The following KSR2 variants were observed in gnomAD, a reference collection of about 807,000 sequenced individuals.
KSR2 encodes the protein kinase suppressor of ras 2.
A neutral mutation model predicts 107.8 loss-of-function variants in KSR2; 25 were observed. The observed-to-expected ratio is 0.23, with a 90% CI of 0.17 to 0.32. KSR2 has a LOEUF of 0.32. KSR2 is among the 10% of genes least tolerant of loss of function. The pLI is 1.00. For missense variants in KSR2, 887 were observed against 1,268.9 expected (o/e 0.70, Z 4.57); for synonymous variants, 480 against 507.0 (o/e 0.95, Z 0.71).
At chr12:117,835,440 G>A (rs1155760) in intron 3 of KSR2, among the ~76,000 whole-genome samples, 126,971 of 152,128 alleles carry the variant, frequency 0.83, 53,640 homozygotes, top group African/African-American at 0.96. Context: ...CCCCAACTCA[G>A]TTATGGTTTT....
chr12:117,557,077 A>G (rs1013293583), intron 8 of KSR2, among the ~76,000 whole-genome samples: 2 of 152,136 alleles, frequency 1.3e-5, no homozygotes, highest in Non-Finnish European at 2.9e-5. Flanking sequence ...AGGCAGGAGA[A>G]TCGCTTGAAC....
In KSR2 at chr12:117,504,961, C is replaced by T. The variant is rs1347771278; in HGVS notation, c.2220-19270G>A. Reference sequence around the variant, plus strand: ...AAAGCCTATTATATCACTCTGTATGCCTTTGCGTATTCATAGCTTAGCTCC... The same window carrying T: ...AAAGCCTATTATATCACTCTGTATGTCTTTGCGTATTCATAGCTTAGCTCC... On this transcript the variant is annotated intron_variant, in intron 14 of 19. Coordinates refer to ENST00000339824, the MANE Select transcript of KSR2 (RefSeq NM_173598.6). Among the ~76,000 whole-genome samples, 3 of 152,100 alleles carry T rather than the reference C, an allele frequency of 2.0e-5. 1 individual carries two copies. The highest frequency in any genetic ancestry group is 4.4e-5 in the Non-Finnish European group (3 of 68,024).
intron 16 of KSR2, among the ~76,000 whole-genome samples, chr12:117,483,901 C>A (rs1466206731): frequency 6.6e-6 from 1 of 152,202 alleles, no homozygotes; most frequent in Non-Finnish European, 1.5e-5. Context: ...AACAAACCTA[C>A]CACTTTTCTT....
At chr12:117,933,921 C>A (rs61945392) in intron 1 of KSR2, among the ~76,000 whole-genome samples, 1 of 152,232 alleles carries the variant, frequency 6.6e-6, no homozygotes, top group Non-Finnish European at 1.5e-5. Context: ...CATGGCGCCT[C>A]TTAAATGGGA....
chr12:117,873,750 G>A (rs377380228), intron 1 of KSR2, among the ~76,000 whole-genome samples: 19 of 152,088 alleles, frequency 1.2e-4, no homozygotes, highest in East Asian at 5.8e-4. Flanking sequence ...CATGAACCAC[G>A]GCGCCTGGCT....
rs1402426322 is a variant in KSR2 at position 117,656,957 on chromosome 12, TAATAGG to T, written c.1171+10511_1171+10516del. Reference sequence around the variant, plus strand: ...ATATAATAGGATATATATATATATATAATAGGATATATATATATAATAGGATATATA... The same window carrying T: ...ATATAATAGGATATATATATATATATATATATATATATAATAGGATATATA... On this transcript the variant is annotated intron_variant, in intron 5 of 19. Coordinates refer to ENST00000339824, the MANE Select transcript of KSR2 (RefSeq NM_173598.6). Among the ~76,000 whole-genome samples the T allele has an allele frequency of 8.3e-3, 766 of 92,554 alleles. 7 individuals carry two copies. The highest frequency in any genetic ancestry group is 0.023 in the African/African-American group (423 of 18,146). The allele number at this position is 92,554 out of a possible 152,430, so 60.7% of individuals were successfully genotyped here.
chr12:117,519,363 T>G (rs1307283139), intron 14 of KSR2, among the ~76,000 whole-genome samples: 1 of 152,190 alleles, frequency 6.6e-6, no homozygotes, highest in African/African-American at 2.4e-5. Context: ...CAATTGAGCA[T>G]GAACAAGAAT....
chr12:117,736,714 G>A (rs759211101), intron 4 of KSR2, among the ~76,000 whole-genome samples: 9 of 151,874 alleles, frequency 5.9e-5, no homozygotes, highest in Non-Finnish European at 1.2e-4. Context: ...TCAGGAGGCT[G>A]AGGTGGGAGG....
At chr12:117,694,928 G>A (rs1885989639) in intron 4 of KSR2, among the ~76,000 whole-genome samples, 1 of 136,890 alleles carries the variant, frequency 7.3e-6, no homozygotes, top group African/African-American at 2.7e-5. Flanking sequence ...TCAGCTCACT[G>A]CAACCTCCAC....
Position 117,517,307 on chromosome 12 carries a change from T to C in KSR2, c.2219+7545A>G, listed in dbSNP as rs565635244. On this transcript the variant is annotated intron_variant, in intron 14 of 19. Coordinates refer to ENST00000339824, the MANE Select transcript of KSR2 (RefSeq NM_173598.6). Reference sequence around the variant, plus strand: ...GAATTTACACATATTCTGGGACAAATGCCTGGATGGATATACACTAAGATG... The same window carrying C: ...GAATTTACACATATTCTGGGACAAACGCCTGGATGGATATACACTAAGATG... 1.3e-4 allele frequency among the ~76,000 whole-genome samples: 20 copies of C among 152,366 alleles called. No homozygotes were observed. The South Asian group carries it at 3.9e-3, about 30-fold the overall frequency.
chr12:117,566,943 T>C (rs1481004681), intron 7 of KSR2, among the ~76,000 whole-genome samples: 2 of 152,142 alleles, frequency 1.3e-5, no homozygotes, highest in Non-Finnish European at 2.9e-5. Context: ...GGAGCTTATA[T>C]TGTCAAGAAC....
chr12:117,807,957 T>C (rs1362797909), intron 3 of KSR2, among the ~76,000 whole-genome samples: 1 of 152,246 alleles, frequency 6.6e-6, no homozygotes, highest in African/African-American at 2.4e-5. Flanking sequence ...AAATTTATGG[T>C]CTGCACCATT....
chr12:117,621,581 C>T (rs1305957274), intron 5 of KSR2, among the ~76,000 whole-genome samples: 1 of 152,058 alleles, frequency 6.6e-6, no homozygotes, highest in Non-Finnish European at 1.5e-5. Flanking sequence ...TGGTACAGAG[C>T]AAGAATTTAG....
chr12:117,747,228 T>C (rs566400378), intron 4 of KSR2, among the ~76,000 whole-genome samples: 5 of 152,284 alleles, frequency 3.3e-5, no homozygotes, highest in African/African-American at 1.2e-4. Flanking sequence ...GTGGCACATA[T>C]GCACCATGGA....
rs368027008 is a variant in KSR2 at position 117,485,576 on chromosome 12, G to A, written c.2316+19C>T. 2.5e-5 allele frequency: 40 copies of A among 1,596,688 alleles called. No individual in the cohort carries two copies. Among genetic ancestry groups the A allele is most frequent in the Non-Finnish European group, 3.2e-5 (37 of 1,164,622 alleles). Reference sequence around the variant, plus strand: ...GGTCTTTCTGAGATTTAGATAGGAGGCCCAAGAGCCGACAGTACCTTCACA... The same window carrying A: ...GGTCTTTCTGAGATTTAGATAGGAGACCCAAGAGCCGACAGTACCTTCACA... On this transcript the variant is annotated intron_variant, in intron 15 of 19. Coordinates refer to ENST00000339824, the MANE Select transcript of KSR2 (RefSeq NM_173598.6).
intron 5 of KSR2, among the ~76,000 whole-genome samples, chr12:117,611,923 T>C (rs1043840373): frequency 5.9e-5 from 9 of 152,148 alleles, no homozygotes; most frequent in Admixed American, 2.0e-4. Context: ...GTCAAATTCA[T>C]AGAGACAGAA....
At chr12:117,558,720 GAGT>G (rs1006303275) in intron 7 of KSR2, 147 bp from the exon 8 acceptor site, 2 of 518,480 alleles carry the variant, frequency 3.9e-6, no homozygotes, top group African/African-American at 4.0e-5. Flanking sequence ...ATAGATGGGT[GAGT>G]AGATGAATGG....
At chr12:117,609,521 T>G (rs1270613716) in intron 5 of KSR2, among the ~76,000 whole-genome samples, 2 of 152,258 alleles carry the variant, frequency 1.3e-5, no homozygotes, top group Non-Finnish European at 2.9e-5. Context: ...CCTAAAAATT[T>G]TTAAAAGAAT....
At chr12:117,550,863 G>C (rs1470245194) in intron 9 of KSR2, among the ~76,000 whole-genome samples, 1 of 152,170 alleles carries the variant, frequency 6.6e-6, no homozygotes, top group Non-Finnish European at 1.5e-5. Context: ...CAAGGAGCTG[G>C]ACTGAGCTAA....
Sources: allele counts gnomAD v4.1 joint callset (sites outside exome capture counted in the v4.1 genomes callset), GRCh38; gene constraint gnomAD v4.1.1; transcripts MANE v1.5; gene names NCBI Gene and HGNC (gene_info 2026-07-23, HGNC 2026-07-21).